HSD17B12: variants seen among roughly 807,000 people sequenced by gnomAD.
HSD17B12 encodes hydroxysteroid 17-beta dehydrogenase 12.
In HSD17B12, 32 loss-of-function variants were observed where a neutral mutation model predicts 39.3. The observed-to-expected ratio is 0.81, with a 90% CI of 0.61 to 1.09. The LOEUF (loss-of-function observed/expected upper bound fraction) is 1.09, where lower values mean the gene tolerates loss of function less well. Ranked by LOEUF, HSD17B12 falls within the 50% of genes least tolerant of loss-of-function variation. HSD17B12 has a pLI of 0.00. For missense variants in HSD17B12, 342 were observed against 382.9 expected, an observed-to-expected ratio of 0.89 and a Z score of 0.89; for synonymous variants, 150 against 146.7, an observed-to-expected ratio of 1.02 and a Z score of -0.16.
the HSD17B12 span, among the ~76,000 whole-genome samples, chr11:43,657,954 T>C: frequency 1.3e-5 from 2 of 152,258 alleles, no homozygotes; most frequent in African/African-American, 2.4e-5. Flanking sequence ...CCTTGCCAGA[T>C]TGGGGAAGTT....
At chr11:43,817,010 CTA>C (rs778074035) in intron 6 of HSD17B12, among the ~76,000 whole-genome samples, 19,297 of 77,156 alleles carry the variant, frequency 0.25, 1,728 homozygotes, top group Non-Finnish European at 0.34. Flanking sequence ...ATATCTATAT[CTA>C]TATCTATATC....
the HSD17B12 span, among the ~76,000 whole-genome samples, chr11:43,656,731 C>T: frequency 1.3e-5 from 2 of 152,078 alleles, no homozygotes; most frequent in South Asian, 2.1e-4. Flanking sequence ...TTCTTAATCC[C>T]GAGTTCTAGT....
Position 43,839,936 on chromosome 11 carries a change from G to T in HSD17B12, c.619-63G>T, listed in dbSNP as rs117199435. 5,151 of 1,278,260 alleles carry T rather than the reference G, an allele frequency of 4.0e-3. 15 individuals are homozygous for T. The highest frequency in any genetic ancestry group is 5.2e-3 in the Non-Finnish European group (4,583 of 883,010). 79.2% of individuals were successfully genotyped at this position (1,278,260 alleles called of 1,614,324 possible). A position where few individuals can be genotyped will look rare whatever the true frequency, so the allele number is the denominator to read the frequency against. ...ATTAGTTTATTATTTTGTTTCCATG[G>T]CTACAAATCAGGCAGATTGATGTAA... On this transcript the variant is annotated intron_variant, in intron 8 of 10. Coordinates refer to ENST00000278353, the MANE Select transcript of HSD17B12 (RefSeq NM_016142.3).
At chr11:43,824,782 G>T (rs1217944724) in intron 6 of HSD17B12, among the ~76,000 whole-genome samples, 2 of 152,272 alleles carry the variant, frequency 1.3e-5, no homozygotes, top group East Asian at 1.9e-4. Flanking sequence ...GATCACTTGA[G>T]CCCAGGAGTT....
intron 1 of HSD17B12, among the ~76,000 whole-genome samples, chr11:43,723,638 A>T (rs917472555): frequency 1.3e-5 from 2 of 152,214 alleles, no homozygotes; most frequent in Non-Finnish European, 2.9e-5. Context: ...AGAGAACATA[A>T]CTGATTTATA....
intron 4 of HSD17B12, among the ~76,000 whole-genome samples, chr11:43,810,083 A>T (rs184410599): frequency 3.9e-5 from 6 of 152,220 alleles, no homozygotes; most frequent in Admixed American, 2.6e-4. Context: ...GTTGAAGGTG[A>T]TCTGTAGGGG....
chr11:43,764,115 T>G (rs1282602105), intron 3 of HSD17B12, among the ~76,000 whole-genome samples: 1 of 152,160 alleles, frequency 6.6e-6, no homozygotes, highest in African/African-American at 2.4e-5. Context: ...TCAAACCAGT[T>G]TTAATTTGGT....
intron 10 of HSD17B12, 108 bp from the exon 11 acceptor site, chr11:43,855,036 T>C (rs1951569496): frequency 9.2e-7 from 1 of 1,081,172 alleles, no homozygotes; most frequent in African/African-American, 1.6e-5. Flanking sequence ...AACTTTAAAA[T>C]CTACCTATAA....
Position 43,696,543 on chromosome 11 carries a change from T to C in HSD17B12, c.160+15556T>C, listed in dbSNP as rs1949913357. Among the ~76,000 whole-genome samples, 4 of 152,284 alleles carry C rather than the reference T, an allele frequency of 2.6e-5. No individual in the cohort carries two copies. In the South Asian group the frequency reaches 8.3e-4, roughly 32 times the overall value. On this transcript the variant is annotated intron_variant, in intron 1 of 10. Transcript: ENST00000278353. ...AGATGCTGGTGAGGCTGTGGAGAAATAGGAACACTTTTACACTGTTAGTGG... is the reference window on the plus strand; with the variant it reads ...AGATGCTGGTGAGGCTGTGGAGAAACAGGAACACTTTTACACTGTTAGTGG...
the HSD17B12 span, among the ~76,000 whole-genome samples, chr11:43,601,099 CT>C: frequency 2.7e-5 from 4 of 149,910 alleles, no homozygotes; most frequent in African/African-American, 9.8e-5. Flanking sequence ...ATTTATTTAT[CT>C]TTATTTATTT....
the HSD17B12 span, among the ~76,000 whole-genome samples, chr11:43,579,722 G>A: frequency 6.6e-6 from 1 of 152,146 alleles, no homozygotes; most frequent in East Asian, 1.9e-4. Flanking sequence ...CAGTCCCGGA[G>A]CCGAGGGGAT....
At chr11:43,689,613 C>G (rs1489431976) in intron 1 of HSD17B12, among the ~76,000 whole-genome samples, 1 of 152,126 alleles carries the variant, frequency 6.6e-6, no homozygotes, top group Non-Finnish European at 1.5e-5. Context: ...GTGGTGTGAT[C>G]TCAGCTCACT....
the HSD17B12 span, among the ~76,000 whole-genome samples, chr11:43,589,607 C>T: frequency 6.6e-6 from 1 of 152,168 alleles, no homozygotes; most frequent in African/African-American, 2.4e-5. Flanking sequence ...TGCATTGCTT[C>T]CACTTGGTGA....
At chr11:43,646,342 G>A in the HSD17B12 span, 1 of 152,144 alleles carries the variant, frequency 6.6e-6, no homozygotes, top group Non-Finnish European at 1.5e-5. Context: ...TAACTAACTT[G>A]ACAATTGAAT....
At chr11:43,736,874 C>T (rs373875481) in intron 1 of HSD17B12, among the ~76,000 whole-genome samples, 1 of 152,304 alleles carries the variant, frequency 6.6e-6, no homozygotes, top group African/African-American at 2.4e-5. Context: ...TAAGCCCCTA[C>T]ACTGTTTGCC....
At chr11:43,792,682 C>CT (rs60140879) in intron 3 of HSD17B12, among the ~76,000 whole-genome samples, 12,184 of 101,218 alleles carry the variant, frequency 0.12, 1,848 homozygotes, top group African/African-American at 0.33. Flanking sequence ...TCAATGTAAC[C>CT]TTTTTTTTTT....
intron 6 of HSD17B12, among the ~76,000 whole-genome samples, chr11:43,826,480 CTTTTT>C (rs1463643678): frequency 6.6e-6 from 1 of 151,986 alleles, no homozygotes; most frequent in Non-Finnish European, 1.5e-5. Flanking sequence ...CTGAAAAGTT[CTTTTT>C]CTTTTGATAA....
chr11:43,773,944 A>G lies in HSD17B12; in HGVS notation c.283+19823A>G, dbSNP rs151259586. Among the ~76,000 whole-genome samples the G allele has an allele frequency of 3.6e-3, 553 of 152,266 alleles. 5 individuals are homozygous for G. The highest frequency in any genetic ancestry group is 0.013 in the African/African-American group (529 of 41,536). Reference sequence around the variant, plus strand: ...GTCTTTGGAAAATATATTTTACTCTATGCCTCTCTTTTCTGTTTCTGTTGT... The same window carrying G: ...GTCTTTGGAAAATATATTTTACTCTGTGCCTCTCTTTTCTGTTTCTGTTGT... On this transcript the variant is annotated intron_variant, in intron 3 of 10. Coordinates refer to ENST00000278353, the MANE Select transcript of HSD17B12 (RefSeq NM_016142.3).
the HSD17B12 span, among the ~76,000 whole-genome samples, chr11:43,575,297 G>GA: frequency 1.3e-5 from 2 of 152,258 alleles, no homozygotes; most frequent in African/African-American, 4.8e-5. The surrounding 1 kb of genome is among the most constrained non-coding windows in gnomAD (Gnocchi z 4.1). Context: ...GGGAGAAAAA[G>GA]AGAGCAGGAG....
Sources: allele counts gnomAD v4.1 joint callset (sites outside exome capture counted in the v4.1 genomes callset), GRCh38; gene constraint gnomAD v4.1.1; non-coding constraint Gnocchi (gnomAD v3.1); transcripts MANE v1.5; gene names NCBI Gene and HGNC (gene_info 2026-07-23, HGNC 2026-07-21).